Variants in THADA observed in about 807,000 individuals in gnomAD.
The protein encoded by THADA is THADA armadillo repeat containing.
In THADA, 213 loss-of-function variants were observed where a neutral mutation model predicts 219.8. That is an observed-to-expected ratio of 0.97 (90% CI 0.87 to 1.09). THADA has a LOEUF of 1.09. Among genes scored for constraint, THADA ranks in the 50% least tolerant of loss-of-function variants. The pLI, the probability that THADA is intolerant of heterozygous loss-of-function variation, is 0.00. For synonymous variants in THADA, 1,018 were observed against 828.9 expected (o/e 1.23, Z -3.92); for missense variants, 2,956 against 2,311.3 (o/e 1.28, Z -5.72).
chr2:43,411,067 T>C (rs1180404319), intron 28 of THADA, among the ~76,000 whole-genome samples: 3 of 152,192 alleles, frequency 2.0e-5, no homozygotes, highest in Admixed American at 2.0e-4. Context: ...TTTTAAAAAA[T>C]CAAATCAATA....
chr2:43,335,783 C>T (rs1305890493), intron 30 of THADA, among the ~76,000 whole-genome samples: 1 of 146,258 alleles, frequency 6.8e-6, no homozygotes, highest in Non-Finnish European at 1.5e-5. Context: ...CAGAGCAAGC[C>T]CCTGTCTCTA....
At chr2:43,429,689 T>C (rs1417438133) in intron 27 of THADA, among the ~76,000 whole-genome samples, 1 of 151,890 alleles carries the variant, frequency 6.6e-6, no homozygotes, top group African/African-American at 2.4e-5. Flanking sequence ...GAAATCACCA[T>C]GTGATTCCTA....
At chr2:43,246,548 T>G (rs1210939598) in intron 36 of THADA, among the ~76,000 whole-genome samples, 1 of 151,982 alleles carries the variant, frequency 6.6e-6, no homozygotes, top group East Asian at 1.9e-4. Context: ...GAAAGTTCCC[T>G]TACTATAGGC....
At chr2:43,337,397 G>T (rs549700558) in intron 30 of THADA, among the ~76,000 whole-genome samples, 1 of 152,100 alleles carries the variant, frequency 6.6e-6, no homozygotes, top group Non-Finnish European at 1.5e-5. Flanking sequence ...CTGTAGAAAA[G>T]ATTTTTTTAT....
intron 31 of THADA, among the ~76,000 whole-genome samples, chr2:43,311,894 G>A (rs1404307887): frequency 6.6e-6 from 1 of 152,172 alleles, no homozygotes; most frequent in African/African-American, 2.4e-5. Context: ...GGCAGGAACA[G>A]AGAACACTGA....
At chr2:43,247,948 C>T (rs761021387) in intron 36 of THADA, among the ~76,000 whole-genome samples, 1 of 150,602 alleles carries the variant, frequency 6.6e-6, no homozygotes, top group South Asian at 2.1e-4. Context: ...GAAGCTGAGG[C>T]GGGAGGATTA....
chr2:43,339,333 T>A (rs1468552696), intron 30 of THADA, among the ~76,000 whole-genome samples: 1 of 152,248 alleles, frequency 6.6e-6, no homozygotes. Context: ...CGGGTTGGAA[T>A]GCAGTGGCAT....
intron 31 of THADA, among the ~76,000 whole-genome samples, chr2:43,309,912 T>A (rs1677292862): frequency 6.6e-6 from 1 of 152,242 alleles, no homozygotes; most frequent in Non-Finnish European, 1.5e-5. Context: ...TGTAGCTCTA[T>A]ACAGTAGCAA....
At chr2:43,457,823 T>C (rs934577960) in intron 26 of THADA, among the ~76,000 whole-genome samples, 2 of 152,172 alleles carry the variant, frequency 1.3e-5, no homozygotes, top group Non-Finnish European at 2.9e-5. Flanking sequence ...CTTCCTGTCT[T>C]TGCCCTTCAA....
intron 4 of THADA, among the ~76,000 whole-genome samples, chr2:43,588,186 T>C (rs1224336666): frequency 6.6e-6 from 1 of 152,024 alleles, no homozygotes; most frequent in African/African-American, 2.4e-5. Context: ...AGATGGACGA[T>C]TCAACAGTTT....
intron 36 of THADA, among the ~76,000 whole-genome samples, chr2:43,258,482 A>G (rs1410711293): frequency 6.6e-6 from 1 of 152,200 alleles, no homozygotes; most frequent in Non-Finnish European, 1.5e-5. Flanking sequence ...AGATCGTGCC[A>G]TTGCACTCCA....
intron 22 of THADA, 99 bp from the exon 23 acceptor site, chr2:43,508,879 C>T: frequency 8.2e-7 from 1 of 1,219,570 alleles, no homozygotes; most frequent in Non-Finnish European, 1.1e-6. Flanking sequence ...AATAAATATC[C>T]TTATATTGAG....
intron 24 of THADA, among the ~76,000 whole-genome samples, chr2:43,502,576 C>A (rs1289182374): frequency 1.5e-4 from 21 of 137,242 alleles, no homozygotes; most frequent in Non-Finnish European, 3.1e-5. Flanking sequence ...CAGAGTGAGA[C>A]CTCGTCTCAA....
At chr2:43,381,286 A>G (rs572742302) in intron 29 of THADA, among the ~76,000 whole-genome samples, 1 of 152,274 alleles carries the variant, frequency 6.6e-6, no homozygotes, top group South Asian at 2.1e-4. Flanking sequence ...AATATCTGTG[A>G]GTCCATACTG....
At chr2:43,461,551 C>A (rs1184974352) in intron 26 of THADA, among the ~76,000 whole-genome samples, 1 of 152,164 alleles carries the variant, frequency 6.6e-6, no homozygotes, top group Non-Finnish European at 1.5e-5. Flanking sequence ...AGTCATCAAT[C>A]TGGATGGTCT....
chr2:43,322,769 C>A (rs1678891152), intron 30 of THADA, among the ~76,000 whole-genome samples: 1 of 146,554 alleles, frequency 6.8e-6, no homozygotes, highest in Non-Finnish European at 1.5e-5. Flanking sequence ...CACTGCAAGC[C>A]CCACCTGCCG....
intron 36 of THADA, among the ~76,000 whole-genome samples, chr2:43,248,131 AT>A (rs2104108140): frequency 4.3e-5 from 1 of 23,006 alleles, no homozygotes; most frequent in Admixed American, 6.7e-4. Context: ...CCATACAGAA[AT>A]ATATATATAT....
chr2:43,293,317 G>A (rs1674970465), intron 31 of THADA, 104 bp from the exon 32 acceptor site: 3 of 1,313,076 alleles, frequency 2.3e-6, no homozygotes, highest in South Asian at 2.9e-5. Context: ...GCCATCAGAT[G>A]TCTCCCATAA....
chr2:43,463,808 A>G (rs1683919277), intron 26 of THADA, among the ~76,000 whole-genome samples: 2 of 152,184 alleles, frequency 1.3e-5, no homozygotes, highest in South Asian at 4.1e-4. Flanking sequence ...TCTTCCAATA[A>G]CTAAAGTATA....
Sources: gnomAD v4.1 joint callset for allele counts (sites outside exome capture counted in the v4.1 genomes callset) on GRCh38, gnomAD v4.1.1 for gene constraint, MANE v1.5 for transcripts, NCBI Gene and HGNC (gene_info 2026-07-23, HGNC 2026-07-21) for gene names.